DOCK4: variants seen among roughly 807,000 people sequenced by gnomAD.
The protein encoded by DOCK4 is dedicator of cytokinesis 4.
A neutral mutation model predicts 268.1 loss-of-function variants in DOCK4; 97 were observed. That is an observed-to-expected ratio of 0.36 (90% confidence interval 0.31 to 0.43). The LOEUF is 0.43. Ranked by LOEUF, DOCK4 falls within the 20% of genes least tolerant of loss-of-function variation. The pLI, the probability that DOCK4 is intolerant of heterozygous loss-of-function variation, is 1.00. For synonymous variants in DOCK4, 954 were observed against 887.2 expected (o/e 1.08, Z -1.34); for missense variants, 2,145 against 2,455.7 (o/e 0.87, Z 2.67).
intron 46 of DOCK4, 137 bp from the exon 47 acceptor site, chr7:111,741,351 G>T: frequency 7.0e-7 from 1 of 1,420,886 alleles, no homozygotes; most frequent in Non-Finnish European, 9.6e-7. Flanking sequence ...ATAATCAAAT[G>T]TTTGAGTTTA....
intron 44 of DOCK4, among the ~76,000 whole-genome samples, chr7:111,745,699 A>AAAT (rs1796216500): frequency 6.7e-6 from 1 of 149,900 alleles, no homozygotes; most frequent in Non-Finnish European, 1.5e-5. Flanking sequence ...AAAAAAAAAA[A>AAAT]AAAAAAAAAA....
intron 24 of DOCK4, 38 bp from the exon 25 acceptor site, chr7:111,844,935 G>T (rs749719143): frequency 1.3e-6 from 2 of 1,576,934 alleles, no homozygotes; most frequent in East Asian, 2.3e-5. Context: ...GGAAACTGGG[G>T]TTTAACATGC....
intron 1 of DOCK4, among the ~76,000 whole-genome samples, chr7:112,136,450 A>T (rs775618579): frequency 4.6e-5 from 7 of 152,204 alleles, no homozygotes; most frequent in Non-Finnish European, 8.8e-5. Context: ...ACGAGAAGAT[A>T]AATCTGCTAC....
chr7:111,742,102 G>C lies in DOCK4; in HGVS notation c.4708C>G (p.His1570Asp). Residue 1570 changes from histidine (H) to aspartate (D), a missense_variant, in exon 45 of 53, where the codon CAT becomes GAT. By Grantham distance (81) the His-to-Asp change is moderately conservative. This residue lies in a region of DOCK4 where 1,598 missense variants were observed against 1,986.7 expected (regional missense o/e 0.80). Transcript: ENST00000428084. ...AQILEFGLAV[H>D]EKFVPQDMRP... ...ATATCTTGAGGTACAAACTTCTCAT[G>C]CACGGCCAAACCAAATTCCAGAATC... 1 of 1,599,112 alleles carries C rather than the reference G, an allele frequency of 6.3e-7. No homozygotes were observed. Among genetic ancestry groups the C allele is most frequent in the Non-Finnish European group, 8.5e-7 (1 of 1,174,696 alleles).
intron 23 of DOCK4, among the ~76,000 whole-genome samples, chr7:111,858,813 C>G (rs78725175): frequency 6.9e-6 from 1 of 145,910 alleles, no homozygotes; most frequent in African/African-American, 2.6e-5. Flanking sequence ...TCCCTCCCTT[C>G]CTTCCTTCCC....
At chr7:112,057,839 G>A (rs1292741670) in intron 1 of DOCK4, among the ~76,000 whole-genome samples, 1 of 151,262 alleles carries the variant, frequency 6.6e-6, no homozygotes, top group Non-Finnish European at 1.5e-5. Context: ...CTCACTAAAA[G>A]TACATAATCA....
intron 8 of DOCK4, among the ~76,000 whole-genome samples, chr7:111,947,534 A>G (rs940074068): frequency 6.6e-6 from 1 of 152,206 alleles, no homozygotes; most frequent in Non-Finnish European, 1.5e-5. Flanking sequence ...TGCTGTAAGT[A>G]TCCTCAATTG....
intron 8 of DOCK4, among the ~76,000 whole-genome samples, chr7:111,954,299 C>G (rs1796286082): frequency 6.6e-6 from 1 of 152,154 alleles, no homozygotes; most frequent in Admixed American, 6.5e-5. Context: ...CTACCTCTGT[C>G]CAGGCAAGAT....
In DOCK4 at chr7:112,206,185, C is replaced by T. The variant is rs762225839; in HGVS notation, c.-47G>A. 22 of 1,546,460 alleles carry T rather than the reference C, an allele frequency of 1.4e-5. No individual in the cohort carries two copies. The highest frequency in any genetic ancestry group is 3.9e-5 in the Admixed American group (2 of 51,326). Reference sequence around the variant, plus strand: ...TTCAGGCTTTGTAATCCCCGCGCCCCTTCTCCGGCTCACAACAATGCACAG... The same window carrying T: ...TTCAGGCTTTGTAATCCCCGCGCCCTTTCTCCGGCTCACAACAATGCACAG... On this transcript the variant is annotated 5_prime_UTR_variant, in exon 1 of 53. Coordinates refer to ENST00000428084, the MANE Select transcript of DOCK4 (RefSeq NM_001363540.2).
At chr7:111,879,582 G>A (rs1287824541) in intron 16 of DOCK4, among the ~76,000 whole-genome samples, 1 of 152,124 alleles carries the variant, frequency 6.6e-6, no homozygotes, top group Non-Finnish European at 1.5e-5. Context: ...TGGATGAGAG[G>A]GGAGCAGGGT....
intron 10 of DOCK4, among the ~76,000 whole-genome samples, chr7:111,942,072 T>G (rs1317193008): frequency 1.3e-5 from 2 of 152,186 alleles, no homozygotes; most frequent in Non-Finnish European, 2.9e-5. Flanking sequence ...CAGTTCTGAC[T>G]GGGCTTTGGG....
intron 7 of DOCK4, among the ~76,000 whole-genome samples, chr7:111,978,688 T>G (rs997070429): frequency 2.6e-5 from 4 of 152,226 alleles, no homozygotes; most frequent in Admixed American, 2.6e-4. Context: ...GGGACCAGGT[T>G]GTTTCTCCCC....
chr7:111,984,415 G>T (rs767341670), intron 6 of DOCK4, 25 bp from the exon 7 acceptor site: 15 of 1,594,770 alleles, frequency 9.4e-6, no homozygotes, highest in Non-Finnish European at 6.8e-6. Context: ...GCAAAAGTTT[G>T]GGGGAAAAGT....
chr7:111,991,961 C>CT (rs1310590464), intron 5 of DOCK4, among the ~76,000 whole-genome samples: 1 of 50,882 alleles, frequency 2.0e-5, no homozygotes, highest in Admixed American at 2.9e-4. Flanking sequence ...ACTCTGTCTC[C>CT]AAAAAAAAAA....
intron 35 of DOCK4, among the ~76,000 whole-genome samples, chr7:111,781,022 T>C (rs1798755946): frequency 2.0e-5 from 3 of 152,336 alleles, no homozygotes; most frequent in Admixed American, 2.0e-4. Flanking sequence ...GGTGTATTCC[T>C]ACTGGGAGAC....
At chr7:112,027,690 T>C (rs1193624324) in intron 1 of DOCK4, among the ~76,000 whole-genome samples, 2 of 152,218 alleles carry the variant, frequency 1.3e-5, no homozygotes, top group Non-Finnish European at 2.9e-5. Flanking sequence ...GAAACTGGGC[T>C]GCATCAAAGA....
At chr7:111,793,023 A>C (rs1799658695) in intron 30 of DOCK4, among the ~76,000 whole-genome samples, 1 of 152,240 alleles carries the variant, frequency 6.6e-6, no homozygotes, top group South Asian at 2.1e-4. Flanking sequence ...TGAAACATTA[A>C]AAGCTAAACT....
chr7:111,871,554 G>A (rs1251280977), intron 20 of DOCK4, among the ~76,000 whole-genome samples: 1 of 152,210 alleles, frequency 6.6e-6, no homozygotes, highest in Non-Finnish European at 1.5e-5. Context: ...CTGGCACTCA[G>A]TAAATCCTAA....
At position 111,872,261 on chromosome 7, in the gene DOCK4, G is replaced by A. The variant is rs1174780193; in HGVS notation, c.1926+8C>T. 6.6e-7 allele frequency: 1 copy of A among 1,519,640 alleles called. No homozygotes were observed. The highest frequency in any genetic ancestry group is 1.3e-5 in the South Asian group (1 of 79,162). The allele number at this position is 1,519,640 out of a possible 1,614,324, so 94.1% of individuals were successfully genotyped here. Reference sequence around the variant, plus strand: ...AGTTAAAATACAATTAAGGGAATTTGAACTTACCAAAGAATCAAACACTTT... The same window carrying A: ...AGTTAAAATACAATTAAGGGAATTTAAACTTACCAAAGAATCAAACACTTT... On this transcript the variant is annotated splice_region_variant and intron_variant, in intron 19 of 52. Coordinates refer to ENST00000428084, the MANE Select transcript of DOCK4 (RefSeq NM_001363540.2).
Sources: gnomAD v4.1 joint callset for allele counts (sites outside exome capture counted in the v4.1 genomes callset) on GRCh38, gnomAD v4.1.1 for gene constraint, gnomAD v4.1.1 regional missense constraint, MANE v1.5 for transcripts, NCBI Gene and HGNC (gene_info 2026-07-23, HGNC 2026-07-21) for gene names.